CDKL4: variants seen among roughly 807,000 people sequenced by gnomAD.
The protein encoded by CDKL4 is cyclin dependent kinase like 4.
In CDKL4, 44 loss-of-function variants were observed where a neutral mutation model predicts 42.0. The ratio of observed to expected loss-of-function variants is 1.05; its 90% confidence interval spans 0.82 to 1.35. The LOEUF (loss-of-function observed/expected upper bound fraction) is 1.35, where lower values mean the gene tolerates loss of function less well. Among genes scored for constraint, CDKL4 ranks in the 40% most tolerant of loss-of-function variants. The pLI is 0.00. For missense variants in CDKL4, 393 were observed against 369.9 expected, an observed-to-expected ratio of 1.06 and a Z score of -0.51; for synonymous variants, 120 against 121.6, an observed-to-expected ratio of 0.99 and a Z score of 0.09.
intron 3 of CDKL4, among the ~76,000 whole-genome samples, chr2:39,219,435 T>TTTA (rs1558574839): frequency 1.4e-3 from 111 of 80,668 alleles, no homozygotes; most frequent in Non-Finnish European, 2.8e-3. Flanking sequence ...TTATTTATTT[T>TTTA]TTTGAGACAG....
chr2:39,241,958 G>C (rs1218786610), intron 1 of CDKL4, among the ~76,000 whole-genome samples: 1 of 151,978 alleles, frequency 6.6e-6, no homozygotes, highest in Non-Finnish European at 1.5e-5. Context: ...TACAGTACTT[G>C]GACAAGAAAT....
chr2:39,189,581 T>C lies in CDKL4; in HGVS notation c.652+724A>G, dbSNP rs566456617. 5.1e-4 allele frequency among the ~76,000 whole-genome samples: 78 copies of C among 152,332 alleles called. 2 individuals are homozygous for C. In the South Asian group the frequency reaches 0.016, roughly 30 times the overall value. On this transcript the variant is annotated intron_variant, in intron 6 of 9. Coordinates refer to ENST00000451199, the Ensembl canonical transcript of CDKL4. ...TAATCAGGAAGTAAAATCAGACTCTTAGGATCTCGGGCAGGAGTGTGGGCC... is the reference window on the plus strand; with the variant it reads ...TAATCAGGAAGTAAAATCAGACTCTCAGGATCTCGGGCAGGAGTGTGGGCC...
At chr2:39,186,191 T>C (rs1383967773) in intron 7 of CDKL4, among the ~76,000 whole-genome samples, 1 of 152,214 alleles carries the variant, frequency 6.6e-6, no homozygotes. Context: ...TTTAACCTTA[T>C]ATTACATTTG....
intron 5 of CDKL4, among the ~76,000 whole-genome samples, chr2:39,201,307 A>T (rs1364534781): frequency 4.0e-5 from 6 of 151,522 alleles, no homozygotes; most frequent in Admixed American, 2.6e-4. Context: ...AAAAAAATAA[A>T]AAAAAAAAAA....
rs1676056433 is a variant in CDKL4 at position 39,189,649 on chromosome 2, G to A, written c.652+656C>T. On this transcript the variant is annotated intron_variant, in intron 6 of 9. Transcript: ENST00000451199. ...TGTTTCTGTACAGCTTGTGACCTCA[G>A]AATTGGTTTTACATTTTTAAGCAGA... Among the ~76,000 whole-genome samples the A allele has an allele frequency of 2.0e-5, 3 of 152,088 alleles. No homozygotes were observed. In the South Asian group the frequency reaches 6.2e-4, roughly 32 times the overall value.
chr2:39,246,581 A>G (rs1426824147), upstream of CDKL4, among the ~76,000 whole-genome samples: 1 of 152,198 alleles, frequency 6.6e-6, no homozygotes, highest in African/African-American at 2.4e-5. Context: ...GGTTCATTCA[A>G]TTCAATGTCA....
intron 5 of CDKL4, among the ~76,000 whole-genome samples, chr2:39,194,699 T>C (rs539805905): frequency 6.6e-6 from 1 of 152,318 alleles, no homozygotes; most frequent in Admixed American, 6.5e-5. Flanking sequence ...TATCAACCTA[T>C]TACCAATTTT....
At chr2:39,214,911 G>C (rs1677823541) in intron 3 of CDKL4, among the ~76,000 whole-genome samples, 1 of 152,142 alleles carries the variant, frequency 6.6e-6, no homozygotes. Flanking sequence ...CTGGGGATTG[G>C]GGGTCTGGGA....
downstream of CDKL4, among the ~76,000 whole-genome samples, chr2:39,170,901 GCTAA>G: frequency 1.3e-5 from 2 of 152,254 alleles, no homozygotes; most frequent in Middle Eastern, 6.8e-3. Flanking sequence ...CTAAGAAAGT[GCTAA>G]CTTTTTGGAA....
intron 2 of CDKL4, 58 bp from the exon 3 acceptor site, chr2:39,226,018 C>A: frequency 6.7e-7 from 1 of 1,494,162 alleles, no homozygotes; most frequent in Admixed American, 2.3e-5. Flanking sequence ...AGCTTCTACC[C>A]AGACCCCTTA....
intron 1 of CDKL4, among the ~76,000 whole-genome samples, chr2:39,231,249 GAA>G (rs1338515371): frequency 6.6e-6 from 1 of 152,076 alleles, no homozygotes; most frequent in East Asian, 1.9e-4. Context: ...CAAACAAAAA[GAA>G]TGTATAATTC....
chr2:39,238,794 C>A (rs1354245320), intron 1 of CDKL4, among the ~76,000 whole-genome samples: 1 of 152,122 alleles, frequency 6.6e-6, no homozygotes. Flanking sequence ...CTCTGTCACC[C>A]AGGCTGGAGT....
rs1307048420 is a variant in CDKL4, at chr2:39,212,615, T to TA, written c.363+784dup. 3.4e-4 allele frequency among the ~76,000 whole-genome samples: 50 copies of TA among 147,634 alleles called. 1 individual carries two copies. Among genetic ancestry groups the TA allele is most frequent in the Middle Eastern group, 3.5e-3 (1 of 286 alleles). ...ACTTAAGAGACTTAAAAATAATAGT[T>TA]AAAAAAAAAAGTACCATGGGGGATT... On this transcript the variant is annotated intron_variant, in intron 4 of 9. Transcript: ENST00000451199.
At chr2:39,214,242 T>C (rs1677776801) in intron 3 of CDKL4, among the ~76,000 whole-genome samples, 1 of 152,196 alleles carries the variant, frequency 6.6e-6, no homozygotes, top group African/African-American at 2.4e-5. Context: ...TTTTTAACTT[T>C]AATTTTAAAA....
In CDKL4 at chr2:39,204,546, G is replaced by A. The variant is rs11892364; in HGVS notation, c.435C>T (p.Phe145=). Residue 145 remains phenylalanine (F), a synonymous_variant, in exon 5 of 10, where the codon TTC becomes TTT. Transcript: ENST00000451199. Reference sequence around the variant, plus strand: ...ACTTACTCAGAATTTGTGCAAACCCGAAGTCACAAATCTTGATTATTCCTT... The same window carrying A: ...ACTTACTCAGAATTTGTGCAAACCCAAAGTCACAAATCTTGATTATTCCTT... The A allele has an allele frequency of 3.0e-3, 4,887 of 1,608,236 alleles. 135 individuals carry two copies. The African/African-American group carries it at 0.058, about 19-fold the overall frequency.
Position 39,185,462 on chromosome 2 carries a change from A to G in CDKL4, c.736-815T>C, listed in dbSNP as rs192301445. The stretch of plus-strand genomic sequence containing the variant: ...TATACATGTATATATACATATGTGT[A>G]TATATATATATATATATTTGAGACA... On this transcript the variant is annotated intron_variant, in intron 7 of 9. Transcript: ENST00000451199. Among the ~76,000 whole-genome samples, 610 of 121,352 alleles carry G rather than the reference A, an allele frequency of 5.0e-3. 84 individuals carry two copies. The highest frequency in any genetic ancestry group is 0.028 in the East Asian group (120 of 4,218). The allele number at this position is 121,352 out of a possible 152,430, so 79.6% of individuals were successfully genotyped here.
chr2:39,210,912 C>T (rs1677549036), intron 4 of CDKL4, among the ~76,000 whole-genome samples: 1 of 152,226 alleles, frequency 6.6e-6, no homozygotes, highest in African/African-American at 2.4e-5. Flanking sequence ...AAAAACTTCA[C>T]TGACTTTCCT....
intron 9 of CDKL4, among the ~76,000 whole-genome samples, chr2:39,177,861 G>C (rs1675233747): frequency 6.6e-6 from 1 of 151,624 alleles, no homozygotes; most frequent in African/African-American, 2.4e-5. Flanking sequence ...GCTAATTTTT[G>C]TATTTTTAGA....
At chr2:39,233,501 G>A (rs1003254028) in intron 1 of CDKL4, among the ~76,000 whole-genome samples, 1 of 152,098 alleles carries the variant, frequency 6.6e-6, no homozygotes, top group South Asian at 2.1e-4. Flanking sequence ...AAGGGCATGC[G>A]AATCCTCCCA....
Sources: gnomAD v4.1 joint callset for allele counts (sites outside exome capture counted in the v4.1 genomes callset) on GRCh38, gnomAD v4.1.1 for gene constraint, MANE v1.5 for transcripts, NCBI Gene and HGNC (gene_info 2026-07-23, HGNC 2026-07-21) for gene names.